The following ABI2 variants were observed in gnomAD, a reference collection of about 807,000 sequenced individuals.
ABI2 encodes abl interactor 2, also known as abelson interactor 2.
Under a neutral mutation model 59.2 loss-of-function variants are expected in ABI2, and 25 were observed. The observed-to-expected ratio is 0.42, with a 90% CI of 0.31 to 0.59. The LOEUF is 0.59. ABI2 is among the 20% of genes least tolerant of loss of function. The probability of loss-of-function intolerance (pLI) is 0.14; values close to 1 mark genes in which losing one functional copy is unlikely to be tolerated. For missense variants in ABI2, 545 were observed against 681.8 expected (o/e 0.80, Z 2.23); for synonymous variants, 213 against 235.5 (o/e 0.90, Z 0.87).
intron 1 of ABI2, among the ~76,000 whole-genome samples, chr2:203,331,990 G>C (rs1230658362): frequency 6.6e-6 from 1 of 150,796 alleles, no homozygotes; most frequent in Non-Finnish European, 1.5e-5. Context: ...TTGTATTTTT[G>C]GTAGAGATGG....
intron 1 of ABI2, among the ~76,000 whole-genome samples, chr2:203,350,891 T>TGTGTGTGTGC (rs1217974142): frequency 2.4e-5 from 3 of 124,194 alleles, no homozygotes; most frequent in African/African-American, 9.6e-5. Context: ...TGTGTGTGTG[T>TGTGTGTGTGC]GCGCGCGCGC....
chr2:203,336,914 C>T (rs1172254840), intron 1 of ABI2, among the ~76,000 whole-genome samples: 1 of 152,134 alleles, frequency 6.6e-6, no homozygotes, highest in Non-Finnish European at 1.5e-5. Flanking sequence ...TTCCCACCAG[C>T]AAAGATCCAG....
At chr2:203,422,873 C>G (rs978518796) in intron 11 of ABI2, among the ~76,000 whole-genome samples, 1 of 152,168 alleles carries the variant, frequency 6.6e-6, no homozygotes, top group Non-Finnish European at 1.5e-5. Context: ...TAACTTTGCT[C>G]TACCTCAGGA....
intron 1 of ABI2, among the ~76,000 whole-genome samples, chr2:203,337,310 A>G (rs964494903): frequency 6.6e-6 from 1 of 152,250 alleles, no homozygotes; most frequent in African/African-American, 2.4e-5. Flanking sequence ...TGTAGGAGAC[A>G]AGATCAACAT....
chr2:203,382,830 A>G (rs1383004170), intron 4 of ABI2, among the ~76,000 whole-genome samples: 5 of 152,144 alleles, frequency 3.3e-5, no homozygotes, highest in African/African-American at 9.7e-5. Context: ...AATATATTTC[A>G]ATATAAACTG....
At chr2:203,333,120 AAGT>A (rs562516614) in intron 1 of ABI2, among the ~76,000 whole-genome samples, 362 of 152,280 alleles carry the variant, frequency 2.4e-3, no homozygotes, top group Non-Finnish European at 4.2e-3. Flanking sequence ...GTTTCATCAA[AAGT>A]AATTACCAAA....
chr2:203,378,355 C>G lies in ABI2; in HGVS notation c.286-1853C>G, dbSNP rs1439032513. Among the ~76,000 whole-genome samples, 3 of 152,312 alleles carry G rather than the reference C, an allele frequency of 2.0e-5. No homozygotes were observed. In the East Asian group the frequency reaches 5.8e-4, roughly 29 times the overall value. The stretch of plus-strand genomic sequence containing the variant: ...CTCGATCTCCGGACTTTGTGATCCG[C>G]CCACCTTGGCCTCCCAAAGTGCTGG... On this transcript the variant is annotated intron_variant, in intron 2 of 11. Transcript: ENST00000261018.
intron 1 of ABI2, among the ~76,000 whole-genome samples, chr2:203,361,006 A>T (rs1015299764): frequency 6.6e-6 from 1 of 152,254 alleles, no homozygotes; most frequent in Non-Finnish European, 1.5e-5. Context: ...GCGTGGCCTC[A>T]GCATGAGCAC....
chr2:203,374,674 T>G, intron 2 of ABI2: 1 of 338,458 alleles, frequency 3.0e-6, no homozygotes, highest in South Asian at 2.4e-5. Flanking sequence ...TAGTAACTAA[T>G]TTGTTTTATG....
rs577611552 is a variant in ABI2, at chr2:203,360,383, G to A, written c.118-6494G>A. Reference sequence around the variant, plus strand: ...ATGAGGAATGCTTTAAACAAAAGGCGAAGTGTTGGGTGGAGCAGATTATTT... The same window carrying A: ...ATGAGGAATGCTTTAAACAAAAGGCAAAGTGTTGGGTGGAGCAGATTATTT... On this transcript the variant is annotated intron_variant, in intron 1 of 11. Coordinates refer to ENST00000261018, the MANE Select transcript of ABI2 (RefSeq NM_001375670.1). 2.4e-4 allele frequency among the ~76,000 whole-genome samples: 36 copies of A among 152,248 alleles called. No homozygotes were observed. In the South Asian group the frequency reaches 4.8e-3, roughly 20 times the overall value.
chr2:203,409,908 A>G (rs1010537919), intron 9 of ABI2, among the ~76,000 whole-genome samples: 1 of 152,120 alleles, frequency 6.6e-6, no homozygotes, highest in African/African-American at 2.4e-5. Flanking sequence ...TCTTTCCACT[A>G]AGCACTCTTC....
At chr2:203,375,010 G>C (rs1435696738) in intron 2 of ABI2, among the ~76,000 whole-genome samples, 2 of 152,162 alleles carry the variant, frequency 1.3e-5, no homozygotes, top group African/African-American at 2.4e-5. Flanking sequence ...GTGGGAGTGG[G>C]GCTCAGGCTT....
At chr2:203,383,168 A>G (rs2096247053) in intron 4 of ABI2, 1 of 154,724 alleles carries the variant, frequency 6.5e-6, no homozygotes, top group Non-Finnish European at 1.5e-5. Flanking sequence ...GTAGAAAGTG[A>G]TGACAAGATG....
chr2:203,369,641 A>G (rs1559241877), intron 2 of ABI2, among the ~76,000 whole-genome samples: 7 of 152,204 alleles, frequency 4.6e-5, no homozygotes. Context: ...AAGAATGGAT[A>G]GAGATTAATA....
At position 203,395,590 on chromosome 2, in the gene ABI2, C is replaced by T. The variant is rs550181122; in HGVS notation, c.726-66C>T. On this transcript the variant is annotated intron_variant, in intron 6 of 11. Coordinates refer to ENST00000261018, the MANE Select transcript of ABI2 (RefSeq NM_001375670.1). ...TAGCTACATTCATCTCAGAAAATGT[C>T]GGGAAGTGCTGATGATCTCTTACTG... is the stretch of plus-strand genomic sequence containing the variant. The T allele has an allele frequency of 6.4e-5, 95 of 1,495,300 alleles. No homozygotes were observed. In the African/African-American group the frequency reaches 1.1e-3, roughly 18 times the overall value. The allele number at this position is 1,495,300 out of a possible 1,614,324, so 92.6% of individuals were successfully genotyped here. A position where few individuals can be genotyped will look rare whatever the true frequency, so the allele number is the denominator to read the frequency against.
chr2:203,350,303 T>C (rs10190316), intron 1 of ABI2, among the ~76,000 whole-genome samples: 112,166 of 151,872 alleles, frequency 0.74, 42,520 homozygotes, highest in Middle Eastern at 0.88. Context: ...CCTCGAACTC[T>C]TGACCTCAGG....
At chr2:203,420,280 A>C (rs909741060) in intron 11 of ABI2, among the ~76,000 whole-genome samples, 2 of 152,198 alleles carry the variant, frequency 1.3e-5, no homozygotes, top group South Asian at 4.1e-4. Context: ...TAACTTTTGT[A>C]AAGCCATCTA....
At chr2:203,331,650 G>A (rs2073613928) in intron 1 of ABI2, among the ~76,000 whole-genome samples, 2 of 151,768 alleles carry the variant, frequency 1.3e-5, no homozygotes, top group African/African-American at 4.8e-5. Flanking sequence ...GTGAGCCACC[G>A]CACCTGGCCA....
chr2:203,349,012 A>G (rs2085734323), intron 1 of ABI2, among the ~76,000 whole-genome samples: 1 of 150,318 alleles, frequency 6.7e-6, no homozygotes, highest in Admixed American at 6.6e-5. Flanking sequence ...GGCTCACTGC[A>G]GCCTCTACCT....
Sources: allele counts gnomAD v4.1 joint callset (sites outside exome capture counted in the v4.1 genomes callset), GRCh38; gene constraint gnomAD v4.1.1; transcripts MANE v1.5; gene names NCBI Gene and HGNC (gene_info 2026-07-23, HGNC 2026-07-21).